Variants in CHCHD6 observed in about 807,000 individuals in gnomAD.
CHCHD6 encodes the protein coiled-coil-helix-coiled-coil-helix domain containing 6, also known as MICOS complex subunit MIC25.
Under a neutral mutation model 32.3 loss-of-function variants are expected in CHCHD6, and 28 were observed. That is an observed-to-expected ratio of 0.87 (90% CI 0.64 to 1.19). CHCHD6 has a LOEUF of 1.19. CHCHD6 is among the 50% of genes most tolerant of loss of function. The pLI is 0.00. For synonymous variants in CHCHD6, 122 were observed against 117.5 expected, an observed-to-expected ratio of 1.04 and a Z score of -0.25; for missense variants, 333 against 307.0, an observed-to-expected ratio of 1.08 and a Z score of -0.63.
chr3:126,899,207 AG>A (rs2077885081), intron 5 of CHCHD6, among the ~76,000 whole-genome samples: 1 of 152,224 alleles, frequency 6.6e-6, no homozygotes, highest in African/African-American at 2.4e-5. Flanking sequence ...GTTGTGTGAT[AG>A]GTTTAATTAC....
At chr3:126,790,655 C>A (rs1036352968) in intron 4 of CHCHD6, among the ~76,000 whole-genome samples, 1 of 152,174 alleles carries the variant, frequency 6.6e-6, no homozygotes, top group Non-Finnish European at 1.5e-5. Context: ...AGTTCTTGTG[C>A]CATGGTTTTC....
intron 1 of CHCHD6, among the ~76,000 whole-genome samples, chr3:126,715,982 TC>T (rs941009609): frequency 1.1e-4 from 17 of 152,182 alleles, no homozygotes; most frequent in African/African-American, 4.1e-4. Flanking sequence ...AACCATCCCC[TC>T]CCTGTCACTG....
chr3:126,777,537 A>G (rs1937707981), intron 4 of CHCHD6, among the ~76,000 whole-genome samples: 1 of 152,208 alleles, frequency 6.6e-6, no homozygotes, highest in Non-Finnish European at 1.5e-5. Context: ...TCTAGGAGAC[A>G]CACAGAAATG....
intron 4 of CHCHD6, chr3:126,780,245 A>G: frequency 3.0e-6 from 1 of 334,848 alleles, no homozygotes; most frequent in South Asian, 2.5e-5. Context: ...TTGGATAATG[A>G]AAGTTAGGGA....
chr3:126,889,384 C>T (rs868276897), intron 5 of CHCHD6, among the ~76,000 whole-genome samples: 1 of 152,148 alleles, frequency 6.6e-6, no homozygotes, highest in Admixed American at 6.5e-5. Flanking sequence ...TGAGGCACTG[C>T]GGAGCCCACA....
chr3:126,770,905 C>A (rs1273735411), intron 4 of CHCHD6, among the ~76,000 whole-genome samples: 1 of 152,144 alleles, frequency 6.6e-6, no homozygotes, highest in Non-Finnish European at 1.5e-5. Flanking sequence ...AGGAATGGTA[C>A]CAACTATTCT....
At chr3:126,828,728 T>C (rs1940513051) in intron 4 of CHCHD6, among the ~76,000 whole-genome samples, 2 of 152,214 alleles carry the variant, frequency 1.3e-5, no homozygotes, top group South Asian at 4.1e-4. Context: ...CCAGTACCCC[T>C]TCAGTCCAGG....
intron 5 of CHCHD6, among the ~76,000 whole-genome samples, chr3:126,880,330 A>T (rs1285547752): frequency 3.3e-5 from 5 of 152,152 alleles, no homozygotes; most frequent in African/African-American, 1.2e-4. Flanking sequence ...CAGGACCGGC[A>T]GCTGCCAGGC....
intron 4 of CHCHD6, among the ~76,000 whole-genome samples, chr3:126,823,925 A>T (rs538850780): frequency 6.6e-6 from 1 of 151,918 alleles, no homozygotes; most frequent in East Asian, 1.9e-4. Flanking sequence ...ACACACCCAC[A>T]TTATCTGGGT....
chr3:126,736,781 G>A (rs926877572), intron 4 of CHCHD6, among the ~76,000 whole-genome samples: 5 of 152,106 alleles, frequency 3.3e-5, no homozygotes, highest in Non-Finnish European at 7.4e-5. Context: ...TCCTGTGAGA[G>A]GTGTTTCTCC....
chr3:126,842,192 C>A (rs1941115181), intron 4 of CHCHD6, among the ~76,000 whole-genome samples: 1 of 152,162 alleles, frequency 6.6e-6, no homozygotes, highest in Non-Finnish European at 1.5e-5. Flanking sequence ...AGATCAAGGT[C>A]ACGTCACGGG....
chr3:126,864,989 C>T (rs971648735), intron 5 of CHCHD6, among the ~76,000 whole-genome samples: 82 of 151,700 alleles, frequency 5.4e-4, no homozygotes, highest in Non-Finnish European at 4.0e-4. Flanking sequence ...ACCACTACCA[C>T]CATCACCTTT....
Position 126,764,219 on chromosome 3 carries a change from A to G in CHCHD6, c.411+30997A>G, listed in dbSNP as rs923358517. Among the ~76,000 whole-genome samples the G allele has an allele frequency of 5.4e-5, 8 of 147,840 alleles. No individual in the cohort carries two copies. In the South Asian group the frequency reaches 1.3e-3, roughly 23 times the overall value. On this transcript the variant is annotated intron_variant, in intron 4 of 7. Coordinates refer to ENST00000290913, the MANE Select transcript of CHCHD6 (RefSeq NM_032343.3). The stretch of plus-strand genomic sequence containing the variant: ...TACATGCATATATATATATATATAT[A>G]TATATAAATATATGAAATAATACAA...
intron 4 of CHCHD6, among the ~76,000 whole-genome samples, chr3:126,852,313 A>T (rs1010250316): frequency 4.6e-5 from 7 of 152,270 alleles, no homozygotes; most frequent in African/African-American, 1.7e-4. Context: ...CTGGCTTCTC[A>T]TCTGTAGCAG....
chr3:126,896,566 A>G (rs2077842509), intron 5 of CHCHD6, among the ~76,000 whole-genome samples: 1 of 152,122 alleles, frequency 6.6e-6, no homozygotes, highest in Non-Finnish European at 1.5e-5. Context: ...TTCCTCTTGC[A>G]TTACCTCCAT....
At chr3:126,923,345 T>C (rs1445955857) in intron 6 of CHCHD6, among the ~76,000 whole-genome samples, 2 of 152,376 alleles carry the variant, frequency 1.3e-5, no homozygotes, top group South Asian at 2.1e-4. Flanking sequence ...AAGCATCTTT[T>C]CTGCTTACTG....
At chr3:126,739,135 A>G (rs1388035968) in intron 4 of CHCHD6, among the ~76,000 whole-genome samples, 2 of 152,094 alleles carry the variant, frequency 1.3e-5, no homozygotes, top group Non-Finnish European at 1.5e-5. Flanking sequence ...GCCTGTGCTC[A>G]GATGACTGGT....
intron 4 of CHCHD6, among the ~76,000 whole-genome samples, chr3:126,822,599 AAAAC>A (rs1206943207): frequency 2.6e-5 from 4 of 152,246 alleles, no homozygotes; most frequent in African/African-American, 7.2e-5. Flanking sequence ...CTATTTCTGA[AAAAC>A]AAAAAGGCAG....
intron 4 of CHCHD6, among the ~76,000 whole-genome samples, chr3:126,829,937 A>G (rs1940566329): frequency 6.6e-6 from 1 of 152,090 alleles, no homozygotes; most frequent in African/African-American, 2.4e-5. Context: ...GCCCCTACCA[A>G]AAATAGAAAA....
Sources: allele counts gnomAD v4.1 joint callset (sites outside exome capture counted in the v4.1 genomes callset), GRCh38; gene constraint gnomAD v4.1.1; transcripts MANE v1.5; gene names NCBI Gene and HGNC (gene_info 2026-07-23, HGNC 2026-07-21).